The following SEMA5A variants were observed in gnomAD, a reference collection of about 807,000 sequenced individuals.
SEMA5A encodes semaphorin 5A.
A neutral mutation model predicts 135.5 loss-of-function variants in SEMA5A; 55 were observed. The ratio of observed to expected loss-of-function variants is 0.41; its 90% confidence interval spans 0.33 to 0.51. The LOEUF (loss-of-function observed/expected upper bound fraction) is 0.51. Ranked by LOEUF, SEMA5A falls within the 20% of genes least tolerant of loss-of-function variation. The pLI is 0.37. For missense variants in SEMA5A, 1,290 were observed against 1,419.9 expected, an observed-to-expected ratio of 0.91 and a Z score of 1.47; for synonymous variants, 580 against 546.5, an observed-to-expected ratio of 1.06 and a Z score of -0.85.
intron 3 of SEMA5A, among the ~76,000 whole-genome samples, chr5:9,378,378 C>T (rs972893585): frequency 6.6e-6 from 1 of 152,092 alleles, no homozygotes; most frequent in African/African-American, 2.4e-5. Flanking sequence ...CAGTTTTGTA[C>T]CCACAGATGA....
chr5:9,351,336 G>A (rs1754105270), intron 3 of SEMA5A, among the ~76,000 whole-genome samples: 2 of 152,104 alleles, frequency 1.3e-5, no homozygotes, highest in Non-Finnish European at 2.9e-5. Flanking sequence ...TTTCCAAAGG[G>A]TAAATTCCTT....
At chr5:9,311,081 C>A (rs1752106539) in intron 5 of SEMA5A, among the ~76,000 whole-genome samples, 1 of 151,820 alleles carries the variant, frequency 6.6e-6, no homozygotes. Context: ...AGGCAACAAT[C>A]AAGGAACATA....
chr5:9,061,212 T>A (rs575825967), intron 18 of SEMA5A, among the ~76,000 whole-genome samples: 1 of 152,190 alleles, frequency 6.6e-6, no homozygotes, highest in African/African-American at 2.4e-5. Flanking sequence ...CTTTCTGACC[T>A]GGATCATAAC....
chr5:9,039,077 C>T lies in SEMA5A; in HGVS notation c.*3820G>A, dbSNP rs1475671739. The T allele has an allele frequency of 6.6e-5, 10 of 152,256 alleles. No individual in the cohort carries two copies. The allele number at this position is 152,256 out of a possible 1,614,324, so 9.4% of individuals were successfully genotyped here. ...GACCTGCTAATTCTACCAGAGACTCCAGTGGGAACACTCAGCAAAATAGGC... is the reference window on the plus strand; with the variant it reads ...GACCTGCTAATTCTACCAGAGACTCTAGTGGGAACACTCAGCAAAATAGGC... On this transcript the variant is annotated 3_prime_UTR_variant, in exon 23 of 23. Transcript: ENST00000382496.
intron 3 of SEMA5A, among the ~76,000 whole-genome samples, chr5:9,375,460 T>C (rs1755326509): frequency 6.6e-6 from 1 of 151,850 alleles, no homozygotes; most frequent in African/African-American, 2.4e-5. Flanking sequence ...CAAACATTGC[T>C]GACAATCATG....
chr5:9,069,938 G>C (rs2150079776), intron 16 of SEMA5A, among the ~76,000 whole-genome samples: 1 of 152,250 alleles, frequency 6.6e-6, no homozygotes, highest in East Asian at 1.9e-4. Context: ...CCCTTGTCTT[G>C]GACCCTCTGT....
intron 1 of SEMA5A, among the ~76,000 whole-genome samples, chr5:9,534,718 C>G (rs184093931): frequency 1.8e-4 from 28 of 152,300 alleles, no homozygotes; most frequent in Admixed American, 1.8e-3. Context: ...TCCACAGGCA[C>G]AGCAGTGGCA....
In SEMA5A at chr5:9,330,499, C is replaced by T. The variant is rs372530063; in HGVS notation, c.224+7214G>A. ...GAACAGAATGGTTAGAAATCTTTCC[C>T]AGGCATGTCAGTTGGCCACCAGTTT... On this transcript the variant is annotated intron_variant, in intron 4 of 22. Coordinates refer to ENST00000382496, the MANE Select transcript of SEMA5A (RefSeq NM_003966.3). Among the ~76,000 whole-genome samples the T allele has an allele frequency of 2.7e-4, 41 of 151,852 alleles. No homozygotes were observed. In the South Asian group the frequency reaches 8.1e-3, roughly 30 times the overall value.
At chr5:9,237,801 G>C (rs1212087620) in intron 6 of SEMA5A, 27 bp downstream of exon 6, 5 of 1,609,764 alleles carry the variant, frequency 3.1e-6, no homozygotes, top group Admixed American at 1.7e-5. Flanking sequence ...ACAGGGTGAT[G>C]GCTGCTCATA....
chr5:9,487,086 A>C (rs1376548822), intron 1 of SEMA5A, among the ~76,000 whole-genome samples: 2 of 152,206 alleles, frequency 1.3e-5, no homozygotes, highest in African/African-American at 4.8e-5. Flanking sequence ...TGGGAAGAAA[A>C]GTAACATACA....
chr5:9,215,246 G>A (rs1746551951), intron 8 of SEMA5A, among the ~76,000 whole-genome samples: 1 of 152,210 alleles, frequency 6.6e-6, no homozygotes, highest in African/African-American at 2.4e-5. Context: ...AGCAGTAGAA[G>A]AAAGAGCATT....
intron 5 of SEMA5A, among the ~76,000 whole-genome samples, chr5:9,273,673 G>C (rs913749868): frequency 6.6e-6 from 1 of 152,106 alleles, no homozygotes; most frequent in African/African-American, 2.4e-5. Flanking sequence ...AGAAGGAGTG[G>C]GGGCCAATAT....
intron 1 of SEMA5A, among the ~76,000 whole-genome samples, chr5:9,518,914 A>G (rs552873261): frequency 2.0e-5 from 3 of 152,156 alleles, no homozygotes; most frequent in Non-Finnish European, 4.4e-5. Flanking sequence ...ACTCCAAGCA[A>G]GAGCAGAAAA....
intron 2 of SEMA5A, among the ~76,000 whole-genome samples, chr5:9,380,828 G>A (rs1179610004): frequency 1.3e-5 from 2 of 152,202 alleles, no homozygotes; most frequent in Non-Finnish European, 2.9e-5. Context: ...GAATACGACT[G>A]CTACAGAGAA....
chr5:9,251,792 C>T (rs1319640138), intron 5 of SEMA5A, among the ~76,000 whole-genome samples: 1 of 152,188 alleles, frequency 6.6e-6, no homozygotes, highest in African/African-American at 2.4e-5. Context: ...CATCCATGCT[C>T]AAGAGATAAG....
intron 8 of SEMA5A, among the ~76,000 whole-genome samples, chr5:9,222,357 A>G (rs1370668338): frequency 6.6e-6 from 1 of 152,168 alleles, no homozygotes; most frequent in East Asian, 1.9e-4. Flanking sequence ...AAAGTGCCCT[A>G]ACAAAACACA....
At position 9,412,842 on chromosome 5, in the gene SEMA5A, G is replaced by A. The variant is rs566442290; in HGVS notation, c.-78+24914C>T. On this transcript the variant is annotated intron_variant, in intron 2 of 22. Coordinates refer to ENST00000382496, the MANE Select transcript of SEMA5A (RefSeq NM_003966.3). Reference sequence around the variant, plus strand: ...CACCTGTGGTATCATCTTGGCACTCGAAAATGTTTTAGATTTTGGATCACT... The same window carrying A: ...CACCTGTGGTATCATCTTGGCACTCAAAAATGTTTTAGATTTTGGATCACT... Among the ~76,000 whole-genome samples, 9 of 152,182 alleles carry A rather than the reference G, an allele frequency of 5.9e-5. No homozygotes were observed. In the East Asian group the frequency reaches 1.4e-3, roughly 23 times the overall value.
At chr5:9,284,106 T>TAGAGAGAGAGAGAGAGAGAGAG (rs3034563) in intron 5 of SEMA5A, among the ~76,000 whole-genome samples, 27 of 148,478 alleles carry the variant, frequency 1.8e-4, no homozygotes, top group African/African-American at 6.7e-4. Context: ...AGATAGATAT[T>TAGAGAGAGAGAGAGAGAGAGAG]AGAGAGAGAG....
intron 16 of SEMA5A, among the ~76,000 whole-genome samples, chr5:9,096,245 A>G (rs552080733): frequency 2.6e-5 from 4 of 152,188 alleles, no homozygotes; most frequent in Non-Finnish European, 5.9e-5. Context: ...ACAACACACC[A>G]TCATTAACTA....
Sources: gnomAD v4.1 joint callset for allele counts (sites outside exome capture counted in the v4.1 genomes callset) on GRCh38, gnomAD v4.1.1 for gene constraint, MANE v1.5 for transcripts, NCBI Gene and HGNC (gene_info 2026-07-23, HGNC 2026-07-21) for gene names.